The following DACH2 variants were observed in gnomAD, a reference collection of about 807,000 sequenced individuals.
DACH2 encodes dachshund family transcription factor 2.
In DACH2, 17 loss-of-function variants were observed where a neutral mutation model predicts 35.8. The observed-to-expected ratio is 0.48, with a 90% CI of 0.33 to 0.71. The LOEUF (loss-of-function observed/expected upper bound fraction) is 0.71, where lower values mean the gene tolerates loss of function less well. Ranked by LOEUF, DACH2 falls within the 30% of genes least tolerant of loss-of-function variation. DACH2 has a pLI of 0.02. For synonymous variants in DACH2, 195 were observed against 177.3 expected (o/e 1.10, Z -0.79); for missense variants, 469 against 472.7 (o/e 0.99, Z 0.07).
intron 1 of DACH2, among the ~76,000 whole-genome samples, chrX:86,300,331 G>A (rs2034550568): frequency 8.9e-6 from 1 of 111,799 alleles, no homozygotes; most frequent in African/African-American, 3.2e-5. Context: ...TTTACTAATG[G>A]ATTTTCTCAT....
chrX:86,367,380 T>G (rs768940333), intron 1 of DACH2, among the ~76,000 whole-genome samples: 3 of 111,635 alleles, frequency 2.7e-5, no homozygotes, highest in Non-Finnish European at 5.7e-5. Context: ...TAGAAGAGAA[T>G]GCCCCTTAGC....
chrX:86,588,524 ATC>A (rs1272617877), intron 3 of DACH2, among the ~76,000 whole-genome samples: 1 of 111,733 alleles, frequency 8.9e-6, no homozygotes, highest in Non-Finnish European at 1.9e-5. Context: ...TGTTTCTGTC[ATC>A]TCTGATTTCT....
chrX:86,670,191 G>A (rs979957297), intron 4 of DACH2, among the ~76,000 whole-genome samples: 1 of 110,745 alleles, frequency 9.0e-6, no homozygotes, highest in Non-Finnish European at 1.9e-5. Flanking sequence ...ATAAAGTTAG[G>A]ATGATAAATA....
chrX:86,556,795 TAGAGAG>T (rs1194704943), intron 3 of DACH2, among the ~76,000 whole-genome samples: 47 of 25,271 alleles, frequency 1.9e-3, no homozygotes, highest in African/African-American at 6.5e-3. Context: ...TATATATATA[TAGAGAG>T]AGAGAGAGAG....
intron 1 of DACH2, among the ~76,000 whole-genome samples, chrX:86,170,993 A>G (rs2031107950): frequency 8.9e-6 from 1 of 111,973 alleles, no homozygotes; most frequent in Admixed American, 9.4e-5. Flanking sequence ...TGAATTTCTG[A>G]TCAGCCTGTT....
chrX:86,747,692 T>C (rs1213744877), intron 7 of DACH2, among the ~76,000 whole-genome samples: 1 of 111,933 alleles, frequency 8.9e-6, no homozygotes, highest in Non-Finnish European at 1.9e-5. Context: ...TGGAGGGCCT[T>C]GCCTTGATGT....
chrX:86,517,008 G>A (rs2038478875), intron 3 of DACH2, among the ~76,000 whole-genome samples: 2 of 111,229 alleles, frequency 1.8e-5, no homozygotes, highest in African/African-American at 6.5e-5. Flanking sequence ...GAATAGTGCT[G>A]CAATGAACAT....
intron 1 of DACH2, among the ~76,000 whole-genome samples, chrX:86,245,552 C>T (rs941765409): frequency 8.9e-6 from 1 of 111,750 alleles, no homozygotes; most frequent in Non-Finnish European, 1.9e-5. Context: ...TAGCATGTAG[C>T]CCAGGAATGC....
At chrX:86,414,025 G>A (rs1222285180) in intron 2 of DACH2, among the ~76,000 whole-genome samples, 1 of 111,311 alleles carries the variant, frequency 9.0e-6, no homozygotes, top group African/African-American at 3.3e-5. Flanking sequence ...AAGGTCGGAG[G>A]TCTCCTTAGA....
intron 2 of DACH2, among the ~76,000 whole-genome samples, chrX:86,513,449 G>T (rs1370047716): frequency 9.2e-6 from 1 of 108,502 alleles, no homozygotes; most frequent in Non-Finnish European, 1.9e-5. Context: ...GCTTTAAAAT[G>T]ATATTTTCAG....
At chrX:86,607,728 G>A (rs1184392778) in intron 3 of DACH2, among the ~76,000 whole-genome samples, 2 of 92,827 alleles carry the variant, frequency 2.2e-5, no homozygotes, top group Non-Finnish European at 4.3e-5. Context: ...ATATCTCCCA[G>A]TGCTATCCCT....
chrX:86,578,124 G>A (rs766733784), intron 3 of DACH2, among the ~76,000 whole-genome samples: 3 of 111,095 alleles, frequency 2.7e-5, no homozygotes, highest in African/African-American at 9.8e-5. Flanking sequence ...GTCTGGTGGA[G>A]AGGTCAGTCT....
intron 1 of DACH2, among the ~76,000 whole-genome samples, chrX:86,231,466 T>G (rs1021044720): frequency 9.9e-6 from 1 of 101,445 alleles, no homozygotes; most frequent in African/African-American, 3.7e-5. Context: ...CTGTGGGGGG[T>G]GGGGGTGAGA....
intron 1 of DACH2, among the ~76,000 whole-genome samples, chrX:86,254,777 A>ATATATATATATATATATATATATAT (rs1556004208): frequency 7.0e-5 from 1 of 14,232 alleles, no homozygotes; most frequent in African/African-American, 2.0e-4. Flanking sequence ...TATTCAAATA[A>ATATATATATATATATATATATATAT]ATAAATATAT....
intron 1 of DACH2, among the ~76,000 whole-genome samples, chrX:86,197,776 T>C (rs1460703547): frequency 9.0e-6 from 1 of 111,474 alleles, no homozygotes; most frequent in Non-Finnish European, 1.9e-5. Flanking sequence ...AAGCAAGTTC[T>C]TAGAGACCGT....
intron 1 of DACH2, among the ~76,000 whole-genome samples, chrX:86,364,274 T>G (rs762152156): frequency 2.7e-5 from 3 of 111,720 alleles, no homozygotes; most frequent in African/African-American, 9.7e-5. Flanking sequence ...AATAAGTGGG[T>G]GGTCTTTCAT....
In DACH2 at chrX:86,607,620, T is replaced by A. The variant is rs182193769; in HGVS notation, c.641-43416T>A. Among the ~76,000 whole-genome samples the A allele has an allele frequency of 1.4e-3, 149 of 109,891 alleles. 1 individual carries two copies. The highest frequency in any genetic ancestry group is 4.6e-3 in the African/African-American group (138 of 30,262). ...ATTATTATTATTATTATACTTTAAGTTTTAGGGTACATGTTCACAATGTGC... is the reference window on the plus strand; with the variant it reads ...ATTATTATTATTATTATACTTTAAGATTTAGGGTACATGTTCACAATGTGC... On this transcript the variant is annotated intron_variant, in intron 3 of 11. Coordinates refer to ENST00000373125, the MANE Select transcript of DACH2 (RefSeq NM_053281.3).
intron 2 of DACH2, among the ~76,000 whole-genome samples, chrX:86,404,623 G>T (rs1190115321): frequency 8.9e-6 from 1 of 112,053 alleles, no homozygotes; most frequent in South Asian, 3.7e-4. Context: ...TTCACTGCTG[G>T]CATTGAGTGT....
chrX:86,388,793 T>C (rs926220104), intron 2 of DACH2, among the ~76,000 whole-genome samples: 3 of 111,850 alleles, frequency 2.7e-5, no homozygotes, highest in Non-Finnish European at 5.6e-5. Context: ...AGAAATGTTT[T>C]AGTTAAAAAA....
Sources: gnomAD v4.1 joint callset for allele counts (sites outside exome capture counted in the v4.1 genomes callset) on GRCh38, gnomAD v4.1.1 for gene constraint, MANE v1.5 for transcripts, NCBI Gene and HGNC (gene_info 2026-07-23, HGNC 2026-07-21) for gene names.